The following COX10 variants were observed in gnomAD, a reference collection of about 807,000 sequenced individuals.
COX10 encodes the protein protoheme IX farnesyltransferase, mitochondrial.
Under a neutral mutation model 37.3 loss-of-function variants are expected in COX10, and 27 were observed. The observed-to-expected ratio is 0.72, with a 90% CI of 0.53 to 1.00. The LOEUF (loss-of-function observed/expected upper bound fraction) is 1.00. Ranked by LOEUF, COX10 falls within the 50% of genes least tolerant of loss-of-function variation. COX10 has a pLI of 0.00. For synonymous variants in COX10, 222 were observed against 229.1 expected (o/e 0.97, Z 0.28); for missense variants, 475 against 563.2 (o/e 0.84, Z 1.59).
chr17:14,069,867 C>T (rs768143280), intron 1 of COX10, among the ~76,000 whole-genome samples: 2 of 152,198 alleles, frequency 1.3e-5, no homozygotes, highest in African/African-American at 2.4e-5. Context: ...CACACAGCCT[C>T]CTCCATCCGG....
At chr17:14,090,441 C>G (rs1915501449) in intron 3 of COX10, among the ~76,000 whole-genome samples, 1 of 151,954 alleles carries the variant, frequency 6.6e-6, no homozygotes, top group Non-Finnish European at 1.5e-5. Context: ...TTACTAGTAG[C>G]TTTAAAAAAT....
At chr17:14,100,342 C>T (rs1226880370) in intron 3 of COX10, among the ~76,000 whole-genome samples, 1 of 152,156 alleles carries the variant, frequency 6.6e-6, no homozygotes, top group African/African-American at 2.4e-5. Flanking sequence ...CAGCAGTGAA[C>T]TACACAGACA....
intron 5 of COX10, among the ~76,000 whole-genome samples, chr17:14,166,901 T>C (rs772668133): frequency 5.3e-5 from 8 of 151,368 alleles, no homozygotes; most frequent in Non-Finnish European, 1.2e-4. Flanking sequence ...CCCAAAGTGC[T>C]GGGATTGCAG....
intron 5 of COX10, among the ~76,000 whole-genome samples, chr17:14,191,560 T>C (rs1403148954): frequency 3.3e-5 from 5 of 152,096 alleles, no homozygotes; most frequent in Non-Finnish European, 7.4e-5. Context: ...AATATTGTGT[T>C]TGAAGTGGTT....
intron 4 of COX10, among the ~76,000 whole-genome samples, chr17:14,123,688 C>CT (rs1472142110): frequency 6.6e-6 from 1 of 152,134 alleles, no homozygotes; most frequent in African/African-American, 2.4e-5. Flanking sequence ...CCCAAAGAAA[C>CT]TGTGAAATCG....
chr17:14,116,880 A>C (rs1477936215), intron 4 of COX10, among the ~76,000 whole-genome samples: 1 of 152,170 alleles, frequency 6.6e-6, no homozygotes, highest in Non-Finnish European at 1.5e-5. Flanking sequence ...AAATGAGATC[A>C]TATCCCTCTT....
intron 6 of COX10, among the ~76,000 whole-genome samples, chr17:14,195,333 C>T (rs1906336550): frequency 6.6e-6 from 1 of 152,078 alleles, no homozygotes; most frequent in East Asian, 1.9e-4. Context: ...TGAATATGGT[C>T]TTATATTGCT....
chr17:14,169,557 G>A (rs1260136475), intron 5 of COX10, among the ~76,000 whole-genome samples: 3 of 152,142 alleles, frequency 2.0e-5, no homozygotes, highest in African/African-American at 4.8e-5. Context: ...CATTTATAAA[G>A]AAAAGACGTT....
chr17:14,100,949 C>T (rs1215348612), intron 3 of COX10, among the ~76,000 whole-genome samples: 5 of 152,056 alleles, frequency 3.3e-5, no homozygotes, highest in African/African-American at 4.8e-5. Flanking sequence ...TAAGAAGCAT[C>T]CTCAGCCTTT....
intron 6 of COX10, among the ~76,000 whole-genome samples, chr17:14,201,350 G>T (rs1906535072): frequency 6.6e-6 from 1 of 152,120 alleles, no homozygotes; most frequent in African/African-American, 2.4e-5. Context: ...GCCGTGTGTG[G>T]GTGGTGGTTT....
At chr17:14,120,070 G>A (rs949083013) in intron 4 of COX10, among the ~76,000 whole-genome samples, 2 of 152,112 alleles carry the variant, frequency 1.3e-5, no homozygotes, top group East Asian at 1.9e-4. Context: ...TAGCAGTGGT[G>A]GAAAGAGAGA....
At chr17:14,188,449 GA>G (rs71147851) in intron 5 of COX10, among the ~76,000 whole-genome samples, 34,976 of 150,612 alleles carry the variant, frequency 0.23, 5,086 homozygotes, top group Admixed American at 0.32. Flanking sequence ...AAAGATTATG[GA>G]AAAAATAGAA....
At chr17:14,143,461 A>T (rs1219264154) in intron 4 of COX10, among the ~76,000 whole-genome samples, 1 of 152,128 alleles carries the variant, frequency 6.6e-6, no homozygotes, top group Non-Finnish European at 1.5e-5. Context: ...CAGTAGAGCA[A>T]TTTTACCTAA....
rs542680250 is a variant in COX10 at position 14,172,535 on chromosome 17, C to T, written c.695+12588C>T. Reference sequence around the variant, plus strand: ...TGATTAGTGATGTTGAGCATTTTCTCGTATACCTTTTGGCTATTCGTATGT... The same window carrying T: ...TGATTAGTGATGTTGAGCATTTTCTTGTATACCTTTTGGCTATTCGTATGT... On this transcript the variant is annotated intron_variant, in intron 5 of 6. Transcript: ENST00000261643. 4.0e-5 allele frequency among the ~76,000 whole-genome samples: 6 copies of T among 149,002 alleles called. No homozygotes were observed. In the South Asian group the frequency reaches 8.6e-4, roughly 21 times the overall value.
At chr17:14,193,436 T>A (rs1256194369) in intron 6 of COX10, among the ~76,000 whole-genome samples, 1 of 150,640 alleles carries the variant, frequency 6.6e-6, no homozygotes, top group Non-Finnish European at 1.5e-5. Context: ...CATTCAGGAG[T>A]CCTCCTTCAT....
chr17:14,128,306 G>A (rs1028616462), intron 4 of COX10, among the ~76,000 whole-genome samples: 9 of 151,360 alleles, frequency 5.9e-5, no homozygotes, highest in South Asian at 2.1e-4. Flanking sequence ...TTAGTTTGTC[G>A]TATACTTATG....
intron 6 of COX10, among the ~76,000 whole-genome samples, chr17:14,202,680 A>G (rs545926626): frequency 6.6e-6 from 1 of 152,206 alleles, no homozygotes; most frequent in East Asian, 1.9e-4. Context: ...CCGTGAGCAC[A>G]CTCAGCAGTG....
At chr17:14,087,348 C>T (rs1915432699) in intron 3 of COX10, among the ~76,000 whole-genome samples, 1 of 151,974 alleles carries the variant, frequency 6.6e-6, no homozygotes, top group South Asian at 2.1e-4. Flanking sequence ...CTCTCTGTAT[C>T]TTTCTCCCTT....
intron 4 of COX10, among the ~76,000 whole-genome samples, chr17:14,134,092 AG>A (rs1380928576): frequency 2.0e-5 from 3 of 151,676 alleles, no homozygotes; most frequent in Non-Finnish European, 4.4e-5. Flanking sequence ...AATATTTTTT[AG>A]TTACTTATAC....
Sources: allele counts gnomAD v4.1 joint callset (sites outside exome capture counted in the v4.1 genomes callset), GRCh38; gene constraint gnomAD v4.1.1; transcripts MANE v1.5; gene names NCBI Gene and HGNC (gene_info 2026-07-23, HGNC 2026-07-21).